Variants in ITPR2 observed in about 807,000 individuals in gnomAD.
The protein encoded by ITPR2 is inositol 1,4,5-trisphosphate-gated calcium channel ITPR2.
Under a neutral mutation model 317.1 loss-of-function variants are expected in ITPR2, and 207 were observed. The ratio of observed to expected loss-of-function variants is 0.65; its 90% CI spans 0.58 to 0.73. ITPR2 has a LOEUF of 0.73. Among genes scored for constraint, ITPR2 ranks in the 30% least tolerant of loss-of-function variants. The probability of loss-of-function intolerance (pLI) is 0.00; values close to 1 mark genes in which losing one functional copy is unlikely to be tolerated. For missense variants in ITPR2, 2,613 were observed against 3,284.0 expected (o/e 0.80, Z 4.99); for synonymous variants, 1,156 against 1,149.1 (o/e 1.01, Z -0.12).
Position 26,595,579 on chromosome 12 carries a change from A to G in ITPR2, c.4266T>C (p.Ala1422=). Residue 1422 remains alanine (A), a synonymous_variant, in exon 32 of 57, where the codon GCT becomes GCC. Transcript: ENST00000381340. ...AACAGTGATTAACAAAGTTCACATAAGCAATTTTAACCTGTGCAAGTTTCA... is the reference window on the plus strand; with the variant it reads ...AACAGTGATTAACAAAGTTCACATAGGCAATTTTAACCTGTGCAAGTTTCA... ...HDDCIPEVKI[A]YVNFVNHCYV... 6.3e-7 allele frequency: 1 copy of G among 1,584,234 alleles called. No individual in the cohort carries two copies. Among genetic ancestry groups the G allele is most frequent in the Non-Finnish European group, 8.5e-7 (1 of 1,170,976 alleles).
chr12:26,751,304 T>C (rs1949410952), intron 2 of ITPR2, among the ~76,000 whole-genome samples: 1 of 152,086 alleles, frequency 6.6e-6, no homozygotes, highest in Non-Finnish European at 1.5e-5. Flanking sequence ...GTTTACCTAA[T>C]AACAAACCTA....
chr12:26,464,442 C>A (rs957827101), intron 45 of ITPR2, among the ~76,000 whole-genome samples: 35 of 152,314 alleles, frequency 2.3e-4, no homozygotes, highest in Non-Finnish European at 1.0e-4. Context: ...CGCCACTGAT[C>A]TAAGAGGAGG....
At chr12:26,773,460 T>C (rs10771299) in intron 2 of ITPR2, among the ~76,000 whole-genome samples, 43,414 of 151,768 alleles carry the variant, frequency 0.29, 7,451 homozygotes, top group East Asian at 0.75. Context: ...GATGGGTAAG[T>C]GAGGGAGCTG....
chr12:26,788,753 C>T (rs1046163866), intron 2 of ITPR2, among the ~76,000 whole-genome samples: 1 of 152,118 alleles, frequency 6.6e-6, no homozygotes, highest in Non-Finnish European at 1.5e-5. Flanking sequence ...AATTCTTCTT[C>T]TTTGTATCTC....
intron 39 of ITPR2, 36 bp downstream of exon 39, chr12:26,494,117 T>C: frequency 1.3e-6 from 2 of 1,484,752 alleles, no homozygotes; most frequent in Non-Finnish European, 1.8e-6. Context: ...GAAATACCAA[T>C]AATAAATGTA....
intron 40 of ITPR2, 35 bp downstream of exon 40, chr12:26,487,033 A>C (rs1429426940): frequency 6.4e-7 from 1 of 1,559,244 alleles, no homozygotes. Context: ...CTTTTCTCTC[A>C]CTCTGTTCTC....
chr12:26,682,858 C>T (rs551116970), intron 11 of ITPR2, among the ~76,000 whole-genome samples, 185 bp from the exon 12 acceptor site: 1 of 152,166 alleles, frequency 6.6e-6, no homozygotes, highest in African/African-American at 2.4e-5. Flanking sequence ...AGCATTTTTA[C>T]CTAGGTAGTA....
rs145780658 is a variant in ITPR2, at chr12:26,593,374, T to C, written c.4380+2091A>G. ...CTGAAAATTTACCTAGAAGGCCACA[T>C]TCTATTCATTTAACCACACTTAGTT... On this transcript the variant is annotated intron_variant, in intron 32 of 56. Transcript: ENST00000381340. Among the ~76,000 whole-genome samples, 19 of 152,356 alleles carry C rather than the reference T, an allele frequency of 1.2e-4. No homozygotes were observed. The East Asian group carries it at 3.1e-3, about 25-fold the overall frequency.
intron 42 of ITPR2, among the ~76,000 whole-genome samples, chr12:26,482,648 C>T (rs563756913): frequency 3.3e-5 from 5 of 152,274 alleles, no homozygotes; most frequent in Admixed American, 6.5e-5. Context: ...CAAACTCTTT[C>T]GGTATTTCAT....
intron 32 of ITPR2, among the ~76,000 whole-genome samples, chr12:26,590,509 T>C (rs1177023935): frequency 6.6e-6 from 1 of 151,974 alleles, no homozygotes; most frequent in Non-Finnish European, 1.5e-5. Context: ...GCCAAAAACA[T>C]ACACTGGGGA....
At chr12:26,755,302 A>G (rs1949500335) in intron 2 of ITPR2, among the ~76,000 whole-genome samples, 1 of 152,192 alleles carries the variant, frequency 6.6e-6, no homozygotes, top group Non-Finnish European at 1.5e-5. Flanking sequence ...AAATTCTAGC[A>G]GGTGTTCTTG....
chr12:26,444,318 C>T (rs1273146048), intron 45 of ITPR2, among the ~76,000 whole-genome samples: 2 of 152,132 alleles, frequency 1.3e-5, no homozygotes, highest in Non-Finnish European at 2.9e-5. Context: ...ATTAGTAATA[C>T]ATGTTGCCTT....
chr12:26,725,285 A>G (rs987068733), intron 3 of ITPR2, among the ~76,000 whole-genome samples: 1 of 152,228 alleles, frequency 6.6e-6, no homozygotes, highest in Non-Finnish European at 1.5e-5. Context: ...ACCATAAACA[A>G]TGGTCTTTCA....
Position 26,436,366 on chromosome 12 carries a change from A to G in ITPR2, c.6644-20T>C, listed in dbSNP as rs1941348630. 1 of 1,598,550 alleles carries G rather than the reference A, an allele frequency of 6.3e-7. No homozygotes were observed. Among genetic ancestry groups the G allele is most frequent in the African/African-American group, 1.4e-5 (1 of 73,958 alleles). On this transcript the variant is annotated intron_variant, in intron 47 of 56. Transcript: ENST00000381340. ...GGTTATCTAGGAAGTGAGAAATGTA[A>G]AGGAACTGAACAGGAAAATACATTT... is the stretch of plus-strand genomic sequence containing the variant.
chr12:26,392,491 T>G (rs1295367638), intron 54 of ITPR2, among the ~76,000 whole-genome samples: 1 of 152,144 alleles, frequency 6.6e-6, no homozygotes, highest in Non-Finnish European at 1.5e-5. Context: ...CCACAACACT[T>G]CACTATGAAA....
intron 1 of ITPR2, among the ~76,000 whole-genome samples, chr12:26,825,475 T>C (rs1950995788): frequency 1.3e-5 from 2 of 152,106 alleles, no homozygotes; most frequent in Non-Finnish European, 2.9e-5. Flanking sequence ...TCTGTCTATA[T>C]TCTCTAAGTT....
intron 1 of ITPR2, among the ~76,000 whole-genome samples, chr12:26,806,201 T>C (rs564387589): frequency 2.0e-5 from 3 of 152,340 alleles, no homozygotes; most frequent in African/African-American, 4.8e-5. Context: ...GAATTATATA[T>C]GGCAATATAG....
chr12:26,728,920 G>A (rs1023908537), intron 2 of ITPR2, among the ~76,000 whole-genome samples: 1 of 152,192 alleles, frequency 6.6e-6, no homozygotes, highest in South Asian at 2.1e-4. Context: ...AGTAGTTTAA[G>A]TTCCTTACAC....
At chr12:26,811,773 G>A (rs199528310) in intron 1 of ITPR2, among the ~76,000 whole-genome samples, 3 of 145,712 alleles carry the variant, frequency 2.1e-5, no homozygotes, top group African/African-American at 7.7e-5. Context: ...AGAATGGCGC[G>A]AACCCCGGAG....
Sources: allele counts gnomAD v4.1 joint callset (sites outside exome capture counted in the v4.1 genomes callset), GRCh38; gene constraint gnomAD v4.1.1; transcripts MANE v1.5; gene names NCBI Gene and HGNC (gene_info 2026-07-23, HGNC 2026-07-21).